Variants in KCMF1 observed in about 807,000 individuals in gnomAD.
The protein encoded by KCMF1 is E3 ubiquitin-protein ligase KCMF1.
KCMF1 carries 3 observed loss-of-function variants against 41.1 expected under a neutral mutation model. The observed-to-expected ratio is 0.07, with a 90% confidence interval of 0.03 to 0.19. The LOEUF (loss-of-function observed/expected upper bound fraction) is 0.19, where lower values mean the gene tolerates loss of function less well. Among genes scored for constraint, KCMF1 ranks in the 10% least tolerant of loss-of-function variants. The pLI, the probability that KCMF1 is intolerant of heterozygous loss-of-function variation, is 1.00. For missense variants in KCMF1, 286 were observed against 488.9 expected (o/e 0.58, Z 3.91); for synonymous variants, 142 against 164.5 (o/e 0.86, Z 1.04).
At chr2:85,006,882 G>A (rs1477634632) in intron 1 of KCMF1, among the ~76,000 whole-genome samples, 1 of 151,782 alleles carries the variant, frequency 6.6e-6, no homozygotes, top group Non-Finnish European at 1.5e-5. Context: ...GCCAAGGCAG[G>A]TGGATCATCT....
chr2:85,018,945 C>G (rs979006236), intron 1 of KCMF1, among the ~76,000 whole-genome samples: 5 of 151,812 alleles, frequency 3.3e-5, no homozygotes, highest in Non-Finnish European at 1.5e-5. Context: ...CCATGTTGAC[C>G]AGGCTGGTCT....
chr2:84,994,472 C>T (rs1044714067), intron 1 of KCMF1, among the ~76,000 whole-genome samples: 10 of 151,946 alleles, frequency 6.6e-5, no homozygotes, highest in African/African-American at 2.4e-4. Flanking sequence ...GGCGTGATCT[C>T]AGCTCACTGC....
chr2:85,010,937 G>A (rs1450348596), intron 1 of KCMF1, among the ~76,000 whole-genome samples: 2 of 151,076 alleles, frequency 1.3e-5, no homozygotes, highest in Non-Finnish European at 2.9e-5. Context: ...TCCACCTCCC[G>A]GGTTCAAGCA....
intron 3 of KCMF1, among the ~76,000 whole-genome samples, chr2:85,041,759 GTCT>G (rs759351829): frequency 4.2e-5 from 6 of 142,420 alleles, no homozygotes; most frequent in African/African-American, 5.2e-5. Flanking sequence ...AACATTGCTG[GTCT>G]TTTTTTTTTT....
At chr2:85,025,970 C>T (rs541064557) in intron 1 of KCMF1, among the ~76,000 whole-genome samples, 4 of 151,892 alleles carry the variant, frequency 2.6e-5, no homozygotes, top group Non-Finnish European at 4.4e-5. Context: ...AACCCACCTA[C>T]AGAATTTTAA....
At chr2:84,980,084 C>G (rs954758377) in intron 1 of KCMF1, among the ~76,000 whole-genome samples, 4 of 152,060 alleles carry the variant, frequency 2.6e-5, no homozygotes, top group African/African-American at 9.7e-5. Flanking sequence ...CTGCCCACCT[C>G]AGCCTCCCAA....
At chr2:85,008,705 G>C (rs1674577066) in intron 1 of KCMF1, among the ~76,000 whole-genome samples, 1 of 151,496 alleles carries the variant, frequency 6.6e-6, no homozygotes, top group Admixed American at 6.6e-5. Flanking sequence ...ATGCTGCTCT[G>C]TGCCTGTTTT....
intron 1 of KCMF1, among the ~76,000 whole-genome samples, chr2:85,004,295 A>G (rs1196227477): frequency 6.6e-6 from 1 of 152,082 alleles, no homozygotes; most frequent in Non-Finnish European, 1.5e-5. Context: ...GCAGATCACG[A>G]TGTCAGGAGA....
In KCMF1 at chr2:85,049,449, C is replaced by G; in HGVS notation, c.685C>G (p.Gln229Glu). Reference protein sequence around the residue: ...SSGPSASQLQQLQMQLQLERQ... With the variant: ...SSGPSASQLQELQMQLQLERQ... ...TGGCCCTTCCGCTTCTCAGTTACAA[C>G]AACTGCAGATGCAGCTGCAGCTAGA... Residue 229 changes from glutamine to glutamate, a missense_variant, in exon 6 of 7, where the codon CAA (glutamine) becomes GAA (glutamate). This residue lies in a region of KCMF1 where 191 missense variants were observed against 279.3 expected (regional missense o/e 0.68). Transcript: ENST00000409785. 1.2e-6 allele frequency: 2 copies of G among 1,614,052 alleles called. No individual in the cohort carries two copies. Among genetic ancestry groups the G allele is most frequent in the Non-Finnish European group, 1.7e-6 (2 of 1,179,890 alleles).
chr2:85,028,624 G>C (rs1344089262), intron 2 of KCMF1, among the ~76,000 whole-genome samples: 3 of 151,508 alleles, frequency 2.0e-5, no homozygotes, highest in Non-Finnish European at 4.4e-5. Context: ...CAAGGAGCTG[G>C]GATTACAGGC....
intron 3 of KCMF1, among the ~76,000 whole-genome samples, chr2:85,036,869 TTTA>T (rs1184666109): frequency 2.0e-5 from 3 of 149,074 alleles, no homozygotes; most frequent in African/African-American, 4.9e-5. Context: ...ATTGATAATA[TTTA>T]TTATTATATT....
intron 1 of KCMF1, among the ~76,000 whole-genome samples, chr2:84,994,074 A>G (rs1674115741): frequency 6.6e-6 from 1 of 151,556 alleles, no homozygotes; most frequent in East Asian, 2.0e-4. Context: ...CAGCCTTCCA[A>G]GTAGCTGGGA....
intron 1 of KCMF1, among the ~76,000 whole-genome samples, chr2:84,974,727 A>G (rs1327000311): frequency 8.7e-5 from 3 of 34,472 alleles, no homozygotes; most frequent in Non-Finnish European, 1.7e-4. Context: ...TTTTTTTGAG[A>G]CACAGTCTTG....
At chr2:85,052,004 G>A (rs563457095) in intron 6 of KCMF1, among the ~76,000 whole-genome samples, 7 of 152,318 alleles carry the variant, frequency 4.6e-5, no homozygotes, top group African/African-American at 1.7e-4. Flanking sequence ...CTGATGGTAA[G>A]GTCACAGTTT....
rs1674533562 is a variant in KCMF1, at chr2:85,008,291, TATATATAATATATAATATGATA to T, written c.17-19597_17-19576del. On this transcript the variant is annotated intron_variant, in intron 1 of 6. Transcript: ENST00000409785. ...ATATAATATATAATATGATATATAA[TATATATAATATATAATATGATA>T]TATATATCATATATAATATATAATA... is the stretch of plus-strand genomic sequence containing the variant. Among the ~76,000 whole-genome samples the T allele has an allele frequency of 2.9e-3, 43 of 14,606 alleles. 2 individuals carry two copies. The highest frequency in any genetic ancestry group is 6.4e-3 in the Admixed American group (6 of 932). The allele number at this position is 14,606 out of a possible 152,430, so 9.6% of individuals were successfully genotyped here. A position where few individuals can be genotyped will look rare whatever the true frequency, so the allele number is the denominator to read the frequency against.
chr2:85,053,395 C>T lies in KCMF1; in HGVS notation c.1132C>T (p.Pro378Ser). The change falls in exon 7 of 7, where the codon CCA becomes TCA. Residue 378 changes from proline to serine, a missense_variant. Coordinates refer to ENST00000409785, the MANE Select transcript of KCMF1 (RefSeq NM_020122.5). ...GAGTAATAAAGGAAATGAGCCTCCA[C>T]CACCTCCTCTTTGATGACATCCCAA... ...KESNKGNEPP[P>S]PPL The T allele has an allele frequency of 1.2e-6, 2 of 1,612,262 alleles. No homozygotes were observed. Among genetic ancestry groups the T allele is most frequent in the South Asian group, 1.1e-5 (1 of 90,740 alleles).
intron 2 of KCMF1, 93 bp downstream of exon 2, chr2:85,028,149 A>G: frequency 5.5e-6 from 4 of 726,580 alleles, no homozygotes; most frequent in Non-Finnish European, 9.0e-6. Flanking sequence ...CCCCAGCAGC[A>G]TACCATAAGC....
At chr2:85,030,971 T>G (rs1175770982) in intron 2 of KCMF1, among the ~76,000 whole-genome samples, 1 of 152,250 alleles carries the variant, frequency 6.6e-6, no homozygotes, top group East Asian at 1.9e-4. Context: ...GTGCTGAGAT[T>G]GCAGGCGTGA....
intron 1 of KCMF1, among the ~76,000 whole-genome samples, chr2:85,019,601 T>C (rs1456243464): frequency 1.3e-5 from 2 of 152,138 alleles, no homozygotes; most frequent in East Asian, 3.8e-4. Flanking sequence ...CGACTTCTTA[T>C]TCATAGTATG....
Sources: gnomAD v4.1 joint callset for allele counts (sites outside exome capture counted in the v4.1 genomes callset) on GRCh38, gnomAD v4.1.1 for gene constraint, gnomAD v4.1.1 regional missense constraint, MANE v1.5 for transcripts, NCBI Gene and HGNC (gene_info 2026-07-23, HGNC 2026-07-21) for gene names.